The following PLEKHA2 variants were observed in gnomAD, a reference collection of about 807,000 sequenced individuals.
PLEKHA2 encodes the protein pleckstrin homology domain containing A2.
A neutral mutation model predicts 53.2 loss-of-function variants in PLEKHA2; 28 were observed. The observed-to-expected ratio is 0.53, with a 90% CI of 0.39 to 0.72. The LOEUF (loss-of-function observed/expected upper bound fraction) is 0.72, where lower values mean the gene tolerates loss of function less well. PLEKHA2 is among the 30% of genes least tolerant of loss of function. The pLI is 0.00. For synonymous variants in PLEKHA2, 193 were observed against 196.4 expected, an observed-to-expected ratio of 0.98 and a Z score of 0.14; for missense variants, 426 against 537.9, an observed-to-expected ratio of 0.79 and a Z score of 2.06.
chr8:38,903,485 G>A (rs917694480), intron 1 of PLEKHA2, among the ~76,000 whole-genome samples: 5 of 152,134 alleles, frequency 3.3e-5, no homozygotes, highest in African/African-American at 4.8e-5. Flanking sequence ...TATTCAGCTC[G>A]GTATTTTTGA....
At chr8:38,945,632 G>T (rs891636676) in intron 4 of PLEKHA2, among the ~76,000 whole-genome samples, 34 of 152,194 alleles carry the variant, frequency 2.2e-4, no homozygotes, top group Admixed American at 3.9e-4. Context: ...GAAAGAACAG[G>T]TTGAGAGTGA....
chr8:38,908,109 C>T (rs911062222), intron 1 of PLEKHA2, among the ~76,000 whole-genome samples: 2 of 152,162 alleles, frequency 1.3e-5, no homozygotes, highest in African/African-American at 4.8e-5. Flanking sequence ...TTCCTTTTCC[C>T]AGAGCACTTT....
intron 11 of PLEKHA2, 81 bp downstream of exon 11, chr8:38,968,750 A>C: frequency 1.4e-6 from 2 of 1,472,212 alleles, no homozygotes; most frequent in Non-Finnish European, 1.9e-6. Context: ...TTGGTGATGT[A>C]GGCAAGCAGC....
In PLEKHA2 at chr8:38,950,956, T is replaced by C. The variant is rs777186847; in HGVS notation, c.452T>C (p.Ile151Thr). The change falls in exon 6 of 12, where the codon ATT (isoleucine) becomes ACT (threonine). Residue 151 changes from isoleucine to threonine, a missense_variant. By Grantham distance (89) the Ile-to-Thr change is moderately conservative. Transcript: ENST00000617275. ...KPQVAYKTEI[I>T]GGVVVHTPIS... ...CAGGTGGCCTACAAGACGGAGATCA[T>C]TGGAGGGGTGGTGGTCCACACACCC... The C allele has an allele frequency of 1.7e-5, 27 of 1,613,616 alleles. No individual in the cohort carries two copies. Among genetic ancestry groups the C allele is most frequent in the Non-Finnish European group, 2.2e-5 (26 of 1,179,804 alleles).
intron 2 of PLEKHA2, among the ~76,000 whole-genome samples, chr8:38,921,027 C>T (rs1414319838): frequency 6.6e-6 from 1 of 152,068 alleles, no homozygotes; most frequent in Non-Finnish European, 1.5e-5. Context: ...TCTTGAACTC[C>T]TGACGTCAGG....
At chr8:38,968,783 GC>G in intron 11 of PLEKHA2, 114 bp downstream of exon 11, 2 of 960,662 alleles carry the variant, frequency 2.1e-6, no homozygotes, top group Non-Finnish European at 3.2e-6. Context: ...TGCAGCTGAA[GC>G]CCCAGGCTGT....
chr8:38,970,099 G>A lies in PLEKHA2; in HGVS notation c.*316G>A. On this transcript the variant is annotated 3_prime_UTR_variant, in exon 12 of 12. Transcript: ENST00000617275. ...TCTGAGGTCTTCCTGGAGAGGGATT[G>A]TTTTAGCAGCTCCTCTCCAGAGGGG... 2 of 466,950 alleles carry A rather than the reference G, an allele frequency of 4.3e-6. No homozygotes were observed. Among genetic ancestry groups the A allele is most frequent in the Non-Finnish European group, 7.4e-6 (2 of 269,934 alleles). 28.9% of individuals were successfully genotyped at this position (466,950 alleles called of 1,614,324 possible).
At chr8:38,920,366 G>A (rs1373806901) in intron 2 of PLEKHA2, among the ~76,000 whole-genome samples, 1 of 152,028 alleles carries the variant, frequency 6.6e-6, no homozygotes, top group East Asian at 1.9e-4. Context: ...GTGTTAGCCA[G>A]GATGGTCTCA....
At chr8:38,966,629 T>G (rs960020842) in intron 10 of PLEKHA2, among the ~76,000 whole-genome samples, 1 of 152,158 alleles carries the variant, frequency 6.6e-6, no homozygotes, top group African/African-American at 2.4e-5. Flanking sequence ...TTTCCTCCCT[T>G]TTTTCATAGA....
intron 10 of PLEKHA2, among the ~76,000 whole-genome samples, chr8:38,967,775 C>A (rs1835168073): frequency 1.3e-5 from 2 of 151,870 alleles, no homozygotes; most frequent in African/African-American, 4.8e-5. Context: ...AATTCTCCTG[C>A]CTCAGCCTCC....
chr8:38,949,790 A>G (rs1588266734), intron 5 of PLEKHA2, among the ~76,000 whole-genome samples: 1 of 152,254 alleles, frequency 6.6e-6, no homozygotes, highest in Admixed American at 6.5e-5. Context: ...GATAACCACA[A>G]CGATGGTTAT....
Position 38,909,261 on chromosome 8 carries a change from T to C in PLEKHA2, c.-24+7816T>C, listed in dbSNP as rs183653697. ...TTTACTTTAATCTTTCTTTGCATCT[T>C]TGTTGATTGACTTGGATGGAATCCT... On this transcript the variant is annotated intron_variant, in intron 1 of 11. Transcript: ENST00000617275. Among the ~76,000 whole-genome samples the C allele has an allele frequency of 1.1e-3, 169 of 152,368 alleles. 1 individual carries two copies. Among genetic ancestry groups the C allele is most frequent in the Non-Finnish European group, 4.3e-4 (29 of 68,032 alleles).
intron 1 of PLEKHA2, among the ~76,000 whole-genome samples, chr8:38,915,643 A>C (rs1834046966): frequency 6.6e-6 from 1 of 152,208 alleles, no homozygotes. Context: ...GTACTTCAAC[A>C]TATGAATTTT....
At chr8:38,918,178 G>A in intron 2 of PLEKHA2, 108 bp downstream of exon 2, 1 of 1,400,886 alleles carries the variant, frequency 7.1e-7, no homozygotes, top group Non-Finnish European at 9.6e-7. Flanking sequence ...AACACAACCT[G>A]CTGATCAGCA....
chr8:38,930,646 CGGCAT>C (rs10558056), intron 2 of PLEKHA2, among the ~76,000 whole-genome samples: 70,721 of 151,474 alleles, frequency 0.47, 16,654 homozygotes, highest in Middle Eastern at 0.54. Context: ...CGGCACCCCA[CGGCAT>C]GGCATGGCAT....
intron 2 of PLEKHA2, among the ~76,000 whole-genome samples, chr8:38,919,199 G>A (rs2152368641): frequency 6.6e-6 from 1 of 152,338 alleles, no homozygotes; most frequent in Admixed American, 6.5e-5. Flanking sequence ...CACTGCACTG[G>A]ATCTTGGCAA....
intron 2 of PLEKHA2, among the ~76,000 whole-genome samples, chr8:38,920,434 A>G (rs147457181): frequency 0.012 from 1,807 of 152,146 alleles, 17 homozygotes; most frequent in Non-Finnish European, 0.018. Flanking sequence ...GATTACAGGC[A>G]TGAGCCACTT....
intron 10 of PLEKHA2, among the ~76,000 whole-genome samples, chr8:38,960,196 C>G (rs1835016754): frequency 6.6e-6 from 1 of 152,170 alleles, no homozygotes; most frequent in Non-Finnish European, 1.5e-5. Context: ...AGAACACTAG[C>G]GTCACACTGA....
At chr8:38,936,649 GCAGGCC>G (rs1834500251) in intron 3 of PLEKHA2, among the ~76,000 whole-genome samples, 2 of 152,262 alleles carry the variant, frequency 1.3e-5, no homozygotes, top group African/African-American at 4.8e-5. Flanking sequence ...AGGGGCCGGA[GCAGGCC>G]CTCTCTTGTG....
Sources: allele counts gnomAD v4.1 joint callset (sites outside exome capture counted in the v4.1 genomes callset), GRCh38; gene constraint gnomAD v4.1.1; transcripts MANE v1.5; gene names NCBI Gene and HGNC (gene_info 2026-07-23, HGNC 2026-07-21).